SPAG1: variants seen among roughly 807,000 people sequenced by gnomAD.
SPAG1 encodes sperm-associated antigen 1.
A neutral mutation model predicts 100.5 loss-of-function variants in SPAG1; 69 were observed. The observed-to-expected ratio is 0.69, with a 90% confidence interval of 0.57 to 0.84. SPAG1 has a LOEUF of 0.84. Among genes scored for constraint, SPAG1 ranks in the 40% least tolerant of loss-of-function variants. The probability of loss-of-function intolerance (pLI) is 0.00; values close to 1 mark genes in which losing one functional copy is unlikely to be tolerated. For missense variants in SPAG1, 955 were observed against 1,133.1 expected (o/e 0.84, Z 2.26); for synonymous variants, 336 against 411.6 (o/e 0.82, Z 2.22).
rs763406402 is a variant in SPAG1, at chr8:100,187,109, T to G, written c.702-11T>G. On this transcript the variant is annotated splice_polypyrimidine_tract_variant and intron_variant, in intron 7 of 18. Transcript: ENST00000388798. ...AGGCTTGCTTGTTGCCAGTAACTGT[T>G]TCTTTTCTAGGAGCATATCAGCGCT... is the stretch of plus-strand genomic sequence containing the variant. 6.3e-7 allele frequency: 1 copy of G among 1,597,658 alleles called. No individual in the cohort carries two copies. Among genetic ancestry groups the G allele is most frequent in the Non-Finnish European group, 8.5e-7 (1 of 1,173,710 alleles).
chr8:100,210,205 T>TA (rs1817665329), intron 10 of SPAG1, among the ~76,000 whole-genome samples: 1 of 150,132 alleles, frequency 6.7e-6, no homozygotes, highest in Non-Finnish European at 1.5e-5. Context: ...TTTTTTTTTT[T>TA]AAATCATGAA....
chr8:100,239,189 C>G lies in SPAG1; in HGVS notation c.2116-51C>G, dbSNP rs1819141531. 1 of 1,255,628 alleles carries G rather than the reference C, an allele frequency of 8.0e-7. No individual in the cohort carries two copies. Among genetic ancestry groups the G allele is most frequent in the Non-Finnish European group, 1.1e-6 (1 of 906,862 alleles). 77.8% of individuals were successfully genotyped at this position (1,255,628 alleles called of 1,614,324 possible). ...CCACCCCACTCCCACTCAGGTTACT[C>G]TAGGCTCCTTCTATTTATGAAAGTT... On this transcript the variant is annotated intron_variant, in intron 16 of 18. Coordinates refer to ENST00000388798, the MANE Select transcript of SPAG1 (RefSeq NM_003114.5). This position sits in a 1 kb window ranked among gnomAD's most constrained non-coding sequence, Gnocchi z 5.0.
chr8:100,187,291 T>A, intron 8 of SPAG1, 41 bp downstream of exon 8: 2 of 1,525,236 alleles, frequency 1.3e-6, no homozygotes, highest in Non-Finnish European at 1.8e-6. Context: ...TACAGCAGGA[T>A]CCATTAATAA....
chr8:100,158,855 G>T (rs1164162758), intron 1 of SPAG1: 1 of 151,504 alleles, frequency 6.6e-6, no homozygotes, highest in Admixed American at 6.6e-5. Context: ...TTTTCAAAAA[G>T]GATTCTCAGA....
At chr8:100,203,053 G>GT (rs1817356979) in intron 10 of SPAG1, among the ~76,000 whole-genome samples, 1 of 152,204 alleles carries the variant, frequency 6.6e-6, no homozygotes, top group African/African-American at 2.4e-5. Flanking sequence ...GGGTGTGTCT[G>GT]TGAGGGTATT....
Position 100,183,989 on chromosome 8 carries a change from T to A in SPAG1, c.522T>A (p.Asp174Glu). The change falls in exon 6 of 19, where the codon GAT becomes GAA. Residue 174 changes from aspartate to glutamate, a missense_variant. By Grantham distance (45) the Asp-to-Glu change is conservative. Coordinates refer to ENST00000388798, the MANE Select transcript of SPAG1 (RefSeq NM_003114.5). ...TGGAGAAGGAATGTTTAAAAATTGA[T>A]GAAGATTACAAAGAAAAGACGGTAA... The part of the protein sequence containing the change: ...FDVEKECLKI[D>E]EDYKEKTVID... The A allele has an allele frequency of 6.4e-7, 1 of 1,551,530 alleles. No homozygotes were observed. The highest frequency in any genetic ancestry group is 1.2e-5 in the South Asian group (1 of 81,310).
At chr8:100,205,503 C>T (rs1000313196) in intron 10 of SPAG1, among the ~76,000 whole-genome samples, 12 of 152,116 alleles carry the variant, frequency 7.9e-5, no homozygotes, top group African/African-American at 2.9e-4. Flanking sequence ...GTGGTCATTT[C>T]CCCAGTGCCA....
intron 3 of SPAG1, among the ~76,000 whole-genome samples, chr8:100,169,890 T>G (rs1815741846): frequency 6.6e-6 from 1 of 152,162 alleles, no homozygotes; most frequent in Non-Finnish European, 1.5e-5. Flanking sequence ...GCCTGTTTCA[T>G]TATTTTAAAT....
chr8:100,192,430 C>G (rs1463585124), intron 9 of SPAG1, among the ~76,000 whole-genome samples: 4 of 152,210 alleles, frequency 2.6e-5, no homozygotes, highest in Non-Finnish European at 1.5e-5. Flanking sequence ...GGAGAGCCAA[C>G]ACACCTGCCC....
intron 14 of SPAG1, among the ~76,000 whole-genome samples, chr8:100,226,043 C>T (rs1354368847): frequency 6.7e-5 from 10 of 148,524 alleles, no homozygotes; most frequent in Admixed American, 5.5e-4. Flanking sequence ...GATGTCCAGG[C>T]TAGAGTGCAG....
At chr8:100,234,326 TAAAG>T (rs1818907740) in intron 16 of SPAG1, among the ~76,000 whole-genome samples, 1 of 151,528 alleles carries the variant, frequency 6.6e-6, no homozygotes, top group Admixed American at 6.6e-5. Flanking sequence ...CCAATCGAGA[TAAAG>T]AACATTTTCT....
At chr8:100,220,682 C>A (rs1197630667) in intron 13 of SPAG1, among the ~76,000 whole-genome samples, 2 of 152,066 alleles carry the variant, frequency 1.3e-5, no homozygotes, top group Non-Finnish European at 2.9e-5. Flanking sequence ...ACTGTTCAAT[C>A]AGTATTTTTT....
chr8:100,166,849 G>A lies in SPAG1; in HGVS notation c.300+876G>A, dbSNP rs558435998. 5.9e-5 allele frequency among the ~76,000 whole-genome samples: 9 copies of A among 152,302 alleles called. No homozygotes were observed. The South Asian group carries it at 1.9e-3, about 32-fold the overall frequency. ...TTTATCCTGAGAGACCGAGGCTGCC[G>A]TGAGCTGTGATGGTGTCATTGCACT... On this transcript the variant is annotated intron_variant, in intron 3 of 18. Coordinates refer to ENST00000388798, the MANE Select transcript of SPAG1 (RefSeq NM_003114.5).
intron 1 of SPAG1, among the ~76,000 whole-genome samples, chr8:100,159,936 T>A (rs1815232521): frequency 6.6e-6 from 1 of 152,024 alleles, no homozygotes; most frequent in Admixed American, 6.6e-5. Context: ...ATGAGAGAGG[T>A]TTTGAAGATT....
rs1209332554 is a variant in SPAG1, at chr8:100,239,063, C to T, written c.2116-177C>T. The stretch of plus-strand genomic sequence containing the variant: ...CTTCTATAGTCGATGTTCACTGTAT[C>T]ATGGGTTATACTATTTCAGCTGCAT... On this transcript the variant is annotated intron_variant, in intron 16 of 18. Coordinates refer to ENST00000388798, the MANE Select transcript of SPAG1 (RefSeq NM_003114.5). The surrounding 1 kb of genome is among the most constrained non-coding windows in gnomAD (Gnocchi z 5.0). Among the ~76,000 whole-genome samples, 1 of 152,160 alleles carries T rather than the reference C, an allele frequency of 6.6e-6. No homozygotes were observed. Among genetic ancestry groups the T allele is most frequent in the Admixed American group, 6.5e-5 (1 of 15,276 alleles).
At chr8:100,187,314 G>A in intron 8 of SPAG1, 64 bp downstream of exon 8, 2 of 1,335,952 alleles carry the variant, frequency 1.5e-6, no homozygotes, top group Non-Finnish European at 2.0e-6. Context: ...ACCATTTGTA[G>A]ATACTTGTAA....
At chr8:100,165,768 T>C (rs758335282) in intron 2 of SPAG1, 46 bp from the exon 3 acceptor site, 38 of 1,537,788 alleles carry the variant, frequency 2.5e-5, no homozygotes, top group Non-Finnish European at 3.4e-5. Context: ...GTCTAGATGA[T>C]CCTAAATAAG....
chr8:100,240,769 A>G lies in SPAG1; in HGVS notation c.2647A>G (p.Lys883Glu). Residue 883 changes from lysine (K) to glutamate (E), a missense_variant and splice_region_variant, in exon 18 of 19, where the codon AAG becomes GAG. Transcript: ENST00000388798. ...ATACCTGAGTAAAGCAGAAAGGTTT[A>G]AGGTAAGTGGCTAAGTATTTTATTA... ...LLYLSKAERF[K>E]MMLTLISKGQ... is the part of the protein sequence containing the mutation. The G allele has an allele frequency of 6.3e-7, 1 of 1,583,750 alleles. No homozygotes were observed. The highest frequency in any genetic ancestry group is 1.7e-4 in the Middle Eastern group (1 of 5,866).
At position 100,224,219 on chromosome 8, in the gene SPAG1, C is replaced by A. The variant is rs569289073; in HGVS notation, c.1689-954C>A. On this transcript the variant is annotated intron_variant, in intron 13 of 18. Transcript: ENST00000388798. ...AATAAAAAAGCCCTTGTAGTAGAAT[C>A]TAGTATCTTGTATTTTCATCTTTAT... Among the ~76,000 whole-genome samples, 19 of 152,128 alleles carry A rather than the reference C, an allele frequency of 1.2e-4. No homozygotes were observed. The East Asian group carries it at 3.5e-3, about 28-fold the overall frequency.
Sources: gnomAD v4.1 joint callset for allele counts (sites outside exome capture counted in the v4.1 genomes callset) on GRCh38, gnomAD v4.1.1 for gene constraint, Gnocchi (gnomAD v3.1) non-coding constraint, MANE v1.5 for transcripts, NCBI Gene and HGNC (gene_info 2026-07-23, HGNC 2026-07-21) for gene names.